RMDN1: variants seen among roughly 807,000 people sequenced by gnomAD.
RMDN1 encodes the protein regulator of microtubule dynamics 1.
A neutral mutation model predicts 48.9 loss-of-function variants in RMDN1; 48 were observed. That is an observed-to-expected ratio of 0.98 (90% CI 0.78 to 1.25). The LOEUF is 1.25. Among genes scored for constraint, RMDN1 ranks in the 50% most tolerant of loss-of-function variants. The pLI is 0.00. For synonymous variants in RMDN1, 148 were observed against 132.6 expected, an observed-to-expected ratio of 1.12 and a Z score of -0.80; for missense variants, 418 against 373.4, an observed-to-expected ratio of 1.12 and a Z score of -0.98.
chr8:86,504,653 G>A lies in RMDN1; in HGVS notation c.247+2342C>T. The A allele has an allele frequency of 9.1e-6, 8 of 879,624 alleles. No homozygotes were observed. In the South Asian group the frequency reaches 9.1e-5, roughly 10 times the overall value. The allele number at this position is 879,624 out of a possible 1,614,324, so 54.5% of individuals were successfully genotyped here. A position where few individuals can be genotyped will look rare whatever the true frequency, so the allele number is the denominator to read the frequency against. On this transcript the variant is annotated intron_variant, in intron 2 of 9. Transcript: ENST00000406452. ...ATGACTGTTTGTTATTAAAGGATGA[G>A]TATAATGGGATGAGCTTTGTCTTTA... is the stretch of plus-strand genomic sequence containing the variant.
intron 2 of RMDN1, among the ~76,000 whole-genome samples, chr8:86,505,928 A>G (rs943083592): frequency 6.6e-5 from 10 of 152,202 alleles, no homozygotes; most frequent in Non-Finnish European, 1.5e-4. Context: ...TTTCCTTTGG[A>G]ACTTTTTTCT....
intron 5 of RMDN1, chr8:86,482,052 C>G: frequency 1.5e-6 from 1 of 673,590 alleles, no homozygotes; most frequent in Non-Finnish European, 2.6e-6. Context: ...AATCACTGGT[C>G]CTCCTGCTAA....
intron 2 of RMDN1, among the ~76,000 whole-genome samples, chr8:86,489,820 A>G: frequency 7.2e-6 from 1 of 138,172 alleles, no homozygotes; most frequent in Non-Finnish European, 1.5e-5. Flanking sequence ...ATACAGCAAG[A>G]CTCTGTCTCA....
chr8:86,497,499 G>A (rs1817553035), intron 2 of RMDN1, among the ~76,000 whole-genome samples: 1 of 151,500 alleles, frequency 6.6e-6, no homozygotes, highest in African/African-American at 2.4e-5. Flanking sequence ...TCAGGAGTTC[G>A]AGACCAGCCT....
intron 5 of RMDN1, chr8:86,481,716 C>A: frequency 1.6e-6 from 1 of 606,274 alleles, no homozygotes; most frequent in South Asian, 4.3e-5. Context: ...CTCTGTCAGG[C>A]CAAGAAGGTT....
chr8:86,500,445 C>T (rs140424150), intron 2 of RMDN1, among the ~76,000 whole-genome samples: 13 of 151,700 alleles, frequency 8.6e-5, no homozygotes, highest in African/African-American at 3.1e-4. Flanking sequence ...TCACTATCAC[C>T]ACAGAAATGC....
chr8:86,488,272 A>T (rs988684175), intron 3 of RMDN1, among the ~76,000 whole-genome samples: 1 of 152,202 alleles, frequency 6.6e-6, no homozygotes, highest in African/African-American at 2.4e-5. Context: ...ATAAACATAT[A>T]TTCAATAACT....
chr8:86,499,778 C>T (rs759639062), intron 2 of RMDN1, among the ~76,000 whole-genome samples: 6 of 152,160 alleles, frequency 3.9e-5, no homozygotes, highest in Non-Finnish European at 7.3e-5. Context: ...ATCACACTAC[C>T]TGACTTCAAA....
intron 2 of RMDN1, among the ~76,000 whole-genome samples, chr8:86,502,008 T>C (rs1046567474): frequency 1.3e-5 from 2 of 152,006 alleles, no homozygotes; most frequent in African/African-American, 4.8e-5. Flanking sequence ...AATCAATAGA[T>C]AACTAGCAAT....
intron 2 of RMDN1, among the ~76,000 whole-genome samples, chr8:86,506,508 T>C (rs1350450715): frequency 6.6e-6 from 1 of 152,220 alleles, no homozygotes; most frequent in African/African-American, 2.4e-5. Context: ...TAGCCCACAC[T>C]TGAGAGGATG....
At chr8:86,504,266 A>G (rs990686357) in intron 2 of RMDN1, 1 of 1,572,206 alleles carries the variant, frequency 6.4e-7, no homozygotes, top group South Asian at 1.1e-5. Flanking sequence ...ATCCTCCAGC[A>G]GTTGTGGGGC....
At position 86,507,031 on chromosome 8, in the gene RMDN1, T is replaced by C. The variant is rs746135554; in HGVS notation, c.211A>G (p.Ile71Val). Residue 71 changes from isoleucine to valine, a missense_variant, in exon 2 of 10, where the codon ATC becomes GTC. Ile to Val is a conservative substitution (Grantham distance 29). Coordinates refer to ENST00000406452, the MANE Select transcript of RMDN1 (RefSeq NM_016033.3). ...SYLGFETYQV[I>V]SQAAVVHATA... ...GCATGAACCACAGCAGCCTGAGAGA[T>C]AACCTGGTAAGTTTCAAAACCCAAA... 6.2e-7 allele frequency: 1 copy of C among 1,612,112 alleles called. No homozygotes were observed. Among genetic ancestry groups the C allele is most frequent in the South Asian group, 1.1e-5 (1 of 91,042 alleles).
intron 2 of RMDN1, among the ~76,000 whole-genome samples, chr8:86,490,397 CA>C (rs1193493332): frequency 6.6e-6 from 1 of 152,080 alleles, no homozygotes; most frequent in African/African-American, 2.4e-5. Flanking sequence ...AAGAGGAAGG[CA>C]AAAGTCAGAG....
upstream of RMDN1, among the ~76,000 whole-genome samples, chr8:86,509,417 A>T (rs1819921382): frequency 6.6e-6 from 1 of 152,108 alleles, no homozygotes; most frequent in Non-Finnish European, 1.5e-5. Context: ...CTTTTGTGGG[A>T]AAATGAAGAA....
At chr8:86,492,961 A>G (rs1349198589) in intron 2 of RMDN1, among the ~76,000 whole-genome samples, 1 of 151,898 alleles carries the variant, frequency 6.6e-6, no homozygotes, top group African/African-American at 2.4e-5. Flanking sequence ...AAGAGAATTA[A>G]GCAGAAATTT....
chr8:86,492,719 G>C (rs1816719780), intron 2 of RMDN1, among the ~76,000 whole-genome samples: 1 of 151,320 alleles, frequency 6.6e-6, no homozygotes, highest in East Asian at 1.9e-4. Context: ...CCACAGGAGT[G>C]CTTCAGTTCC....
chr8:86,482,516 CATA>C (rs377570493), intron 5 of RMDN1: 21 of 689,222 alleles, frequency 3.0e-5, no homozygotes, highest in Middle Eastern at 4.0e-4. Flanking sequence ...TTCTGTCACA[CATA>C]ATCATAGTAT....
intron 2 of RMDN1, chr8:86,504,577 C>A (rs140960514): frequency 8.7e-7 from 1 of 1,147,870 alleles, no homozygotes; most frequent in South Asian, 1.2e-5. Flanking sequence ...GGCAGGAAGG[C>A]GGACCCTGCA....
chr8:86,485,109 A>G (rs966324443), intron 4 of RMDN1, 148 bp from the exon 5 acceptor site: 2 of 523,150 alleles, frequency 3.8e-6, no homozygotes, highest in African/African-American at 2.0e-5. Flanking sequence ...TGGAATATAT[A>G]AAGAGAAGTG....
Sources: allele counts gnomAD v4.1 joint callset (sites outside exome capture counted in the v4.1 genomes callset), GRCh38; gene constraint gnomAD v4.1.1; transcripts MANE v1.5; gene names NCBI Gene and HGNC (gene_info 2026-07-23, HGNC 2026-07-21).